The following ACP3 variants were observed in gnomAD, a reference collection of about 807,000 sequenced individuals.
ACP3 encodes the protein acid phosphatase 3.
A neutral mutation model predicts 45.6 loss-of-function variants in ACP3; 38 were observed. That is an observed-to-expected ratio of 0.83 (90% CI 0.64 to 1.09). The LOEUF (loss-of-function observed/expected upper bound fraction) is 1.09, where lower values mean the gene tolerates loss of function less well. Among genes scored for constraint, ACP3 ranks in the 50% least tolerant of loss-of-function variants. ACP3 has a pLI of 0.00. For synonymous variants in ACP3, 162 were observed against 164.7 expected (o/e 0.98, Z 0.13); for missense variants, 466 against 463.2 (o/e 1.01, Z -0.05).
chr3:132,348,478 C>T (rs1450085369), intron 7 of ACP3, among the ~76,000 whole-genome samples: 2 of 152,110 alleles, frequency 1.3e-5, no homozygotes, highest in Non-Finnish European at 2.9e-5. Context: ...CCCCTAATCA[C>T]TCCTGGGATA....
chr3:132,324,067 A>T (rs1445495417), intron 1 of ACP3, among the ~76,000 whole-genome samples: 1 of 152,044 alleles, frequency 6.6e-6, no homozygotes, highest in East Asian at 1.9e-4. Flanking sequence ...AAAATACAAA[A>T]ATTAGCCAGG....
At chr3:132,336,428 C>G (rs901334371) in intron 4 of ACP3, among the ~76,000 whole-genome samples, 2 of 151,898 alleles carry the variant, frequency 1.3e-5, no homozygotes, top group Admixed American at 1.3e-4. Context: ...TAAAAAAAAG[C>G]GGTCTATTTT....
chr3:132,365,589 T>C (rs578114414), intron 10 of ACP3, among the ~76,000 whole-genome samples: 2 of 152,298 alleles, frequency 1.3e-5, no homozygotes, highest in East Asian at 3.9e-4. Flanking sequence ...ATTAGAACTG[T>C]AGCTTTTATT....
downstream of ACP3, among the ~76,000 whole-genome samples, chr3:132,360,365 G>A (rs79197687): frequency 5.5e-3 from 819 of 149,784 alleles, 9 homozygotes; most frequent in African/African-American, 0.019. Flanking sequence ...TGAAAAAGCC[G>A]ATACAGGAAG....
rs571867580 is a variant in ACP3 at position 132,326,709 on chromosome 3, G to A, written c.121-1558G>A. 2.0e-5 allele frequency among the ~76,000 whole-genome samples: 3 copies of A among 152,282 alleles called. No individual in the cohort carries two copies. In the South Asian group the frequency reaches 6.2e-4, roughly 32 times the overall value. ...TCAAAAATGACTAAAGTCTGAGACT[G>A]TTTTCTTATTTAATGTCTATTGAAT... On this transcript the variant is annotated intron_variant, in intron 1 of 9. Transcript: ENST00000336375.
intron 6 of ACP3, among the ~76,000 whole-genome samples, chr3:132,343,043 A>G (rs1451385704): frequency 6.6e-6 from 1 of 152,228 alleles, no homozygotes; most frequent in Non-Finnish European, 1.5e-5. Flanking sequence ...CCGAATGTAG[A>G]AATAAACAAG....
chr3:132,340,474 T>C (rs1347701539), intron 5 of ACP3, among the ~76,000 whole-genome samples: 1 of 152,222 alleles, frequency 6.6e-6, no homozygotes, highest in Non-Finnish European at 1.5e-5. Flanking sequence ...TGAGTCATGT[T>C]TAGAAAAGCT....
At chr3:132,344,004 G>A (rs1169877833) in intron 6 of ACP3, among the ~76,000 whole-genome samples, 2 of 152,106 alleles carry the variant, frequency 1.3e-5, no homozygotes, top group East Asian at 3.9e-4. Context: ...CGTGTGGCCA[G>A]GTGTAGTGGC....
chr3:132,322,232 G>T (rs1382906132), intron 1 of ACP3, among the ~76,000 whole-genome samples: 1 of 152,074 alleles, frequency 6.6e-6, no homozygotes, highest in Non-Finnish European at 1.5e-5. Context: ...TTATTTGCAG[G>T]CCTCTGTGTT....
chr3:132,350,874 G>C (rs1199302002), intron 8 of ACP3, among the ~76,000 whole-genome samples: 1 of 152,190 alleles, frequency 6.6e-6, no homozygotes, highest in Non-Finnish European at 1.5e-5. Flanking sequence ...CTGGATGTTG[G>C]GAACAGGATA....
chr3:132,320,080 G>A (rs927365214), intron 1 of ACP3, among the ~76,000 whole-genome samples: 2 of 152,150 alleles, frequency 1.3e-5, no homozygotes, highest in Non-Finnish European at 2.9e-5. Context: ...TTAGCTTTGG[G>A]AATAGAACTG....
intron 10 of ACP3, among the ~76,000 whole-genome samples, chr3:132,366,056 T>G (rs1938126785): frequency 6.6e-6 from 1 of 151,336 alleles, no homozygotes; most frequent in Admixed American, 6.6e-5. Context: ...ATCCCAGGAC[T>G]TTAGGAGGCT....
At chr3:132,341,352 T>C (rs1481701103) in intron 5 of ACP3, among the ~76,000 whole-genome samples, 1 of 152,218 alleles carries the variant, frequency 6.6e-6, no homozygotes, top group African/African-American at 2.4e-5. Context: ...TTGTTTAATC[T>C]CCTGAATGAT....
At position 132,332,327 on chromosome 3, in the gene ACP3, CCT is replaced by C; in HGVS notation, c.442_443del (p.Leu148PhefsTer2). The C allele has an allele frequency of 6.2e-7, 1 of 1,614,088 alleles. No individual in the cohort carries two copies. Among genetic ancestry groups the C allele is most frequent in the Non-Finnish European group, 8.5e-7 (1 of 1,179,992 alleles). Reference sequence around the variant, plus strand: ...GCAGCCCATCCCGGTGCACACAGTTCCTCTTTCTGAAGATCAGGTCAGTATAC... The same window carrying C: ...GCAGCCCATCCCGGTGCACACAGTTCCTTTCTGAAGATCAGGTCAGTATAC... The part of the protein sequence containing the change: ...LWQPIPVHTV[P>X]LSEDQLLYLP... On this transcript the variant is annotated frameshift_variant, in exon 4 of 10. Transcript: ENST00000336375. LOFTEE classifies it high-confidence loss of function.
chr3:132,367,741 A>G, exon 11 of ACP3: 1 of 1,613,808 alleles, frequency 6.2e-7, no homozygotes, highest in Non-Finnish European at 8.5e-7. Context: ...TTTGCCTGAT[A>G]TCTGCTGTCC....
At chr3:132,365,708 C>T (rs73215955) in intron 10 of ACP3, among the ~76,000 whole-genome samples, 23,607 of 152,090 alleles carry the variant, frequency 0.16, 2,353 homozygotes, top group Non-Finnish European at 0.23. Context: ...GGTCCAGGCA[C>T]GGTGGCTTAT....
Position 132,357,313 on chromosome 3 carries a change from C to A in ACP3, c.*435C>A. Reference sequence around the variant, plus strand: ...AAAACCCCACAATCTAGGATGGGAACAAGGAAGGAAAGATGTGAATAGGCT... The same window carrying A: ...AAAACCCCACAATCTAGGATGGGAAAAAGGAAGGAAAGATGTGAATAGGCT... On this transcript the variant is annotated 3_prime_UTR_variant, in exon 10 of 10. Coordinates refer to ENST00000336375, the MANE Select transcript of ACP3 (RefSeq NM_001099.5). 4.1e-6 allele frequency: 4 copies of A among 986,042 alleles called. No individual in the cohort carries two copies. Among genetic ancestry groups the A allele is most frequent in the Non-Finnish European group, 3.6e-6 (3 of 830,442 alleles). The allele number at this position is 986,042 out of a possible 1,614,324, so 61.1% of individuals were successfully genotyped here.
chr3:132,365,298 A>T (rs1348986702), intron 10 of ACP3, among the ~76,000 whole-genome samples: 1 of 152,348 alleles, frequency 6.6e-6, no homozygotes, highest in East Asian at 1.9e-4. Context: ...CACAATGGCC[A>T]ATTTGGGGTG....
At chr3:132,346,496 G>T (rs541349631) in intron 7 of ACP3, among the ~76,000 whole-genome samples, 79 of 152,314 alleles carry the variant, frequency 5.2e-4, no homozygotes, top group Admixed American at 1.2e-3. Flanking sequence ...TGAGCAACAA[G>T]ATCCAGCCTT....
Sources: allele counts gnomAD v4.1 joint callset (sites outside exome capture counted in the v4.1 genomes callset), GRCh38; gene constraint gnomAD v4.1.1; transcripts MANE v1.5; gene names NCBI Gene and HGNC (gene_info 2026-07-23, HGNC 2026-07-21).